GCH1: variants seen among roughly 807,000 people sequenced by gnomAD.
The protein encoded by GCH1 is GTP cyclohydrolase I.
In GCH1, 5 loss-of-function variants were observed where a neutral mutation model predicts 25.9. The ratio of observed to expected loss-of-function variants is 0.19; its 90% CI spans 0.10 to 0.41. The LOEUF (loss-of-function observed/expected upper bound fraction) is 0.41, where lower values mean the gene tolerates loss of function less well. Ranked by LOEUF, GCH1 falls within the 10% of genes least tolerant of loss-of-function variation. GCH1 has a pLI of 1.00. For synonymous variants in GCH1, 159 were observed against 129.6 expected (o/e 1.23, Z -1.54); for missense variants, 261 against 336.5 (o/e 0.78, Z 1.75).
intron 1 of GCH1, among the ~76,000 whole-genome samples, chr14:54,867,643 A>C (rs2040008309): frequency 6.8e-6 from 1 of 146,252 alleles, no homozygotes; most frequent in African/African-American, 2.5e-5. Context: ...ACTAGTTATT[A>C]GGCCTTGGGC....
intron 1 of GCH1, among the ~76,000 whole-genome samples, chr14:54,900,888 CAA>C (rs58762919): frequency 2.2e-5 from 3 of 136,394 alleles, no homozygotes; most frequent in Non-Finnish European, 4.8e-5. Flanking sequence ...CACACACACA[CAA>C]ATTTAAAGCC....
chr14:54,884,210 G>T (rs1175343017), intron 1 of GCH1, among the ~76,000 whole-genome samples: 2 of 152,172 alleles, frequency 1.3e-5, no homozygotes, highest in Non-Finnish European at 2.9e-5. Context: ...AAAACTGATA[G>T]TTCACATAAA....
intron 1 of GCH1, among the ~76,000 whole-genome samples, chr14:54,870,047 A>AG (rs2040047023): frequency 6.6e-6 from 1 of 152,170 alleles, no homozygotes; most frequent in African/African-American, 2.4e-5. Flanking sequence ...TCACTGCAAA[A>AG]GGAAAGAAAG....
At chr14:54,870,470 G>A (rs1186853888) in intron 1 of GCH1, among the ~76,000 whole-genome samples, 1 of 152,122 alleles carries the variant, frequency 6.6e-6, no homozygotes, top group Admixed American at 6.6e-5. Flanking sequence ...GAGGTATCGG[G>A]TTCATCTCAC....
chr14:54,857,255 G>A (rs1264055781), intron 3 of GCH1, among the ~76,000 whole-genome samples: 2 of 152,046 alleles, frequency 1.3e-5, no homozygotes, highest in Non-Finnish European at 2.9e-5. Context: ...CCTTTGTATT[G>A]TTTCATAAAA....
At chr14:54,888,491 AG>A (rs2040381395) in intron 1 of GCH1, among the ~76,000 whole-genome samples, 1 of 151,414 alleles carries the variant, frequency 6.6e-6, no homozygotes, top group South Asian at 2.1e-4. Context: ...CCATTACAGC[AG>A]CACAAAGCTT....
At position 54,874,573 on chromosome 14, in the gene GCH1, T is replaced by C. The variant is rs1429774688; in HGVS notation, c.344-9137A>G. On this transcript the variant is annotated intron_variant, in intron 1 of 5. Coordinates refer to ENST00000491895, the MANE Select transcript of GCH1 (RefSeq NM_000161.3). ...AAATGGTCCCTGTTTGCAGATGACA[T>C]GATTGTATATCTAGAAAACCCCATT... 3.3e-5 allele frequency among the ~76,000 whole-genome samples: 5 copies of C among 152,346 alleles called. No individual in the cohort carries two copies. In the East Asian group the frequency reaches 9.6e-4, roughly 29 times the overall value.
At chr14:54,878,795 G>T (rs758090659) in intron 1 of GCH1, among the ~76,000 whole-genome samples, 23 of 151,910 alleles carry the variant, frequency 1.5e-4, no homozygotes, top group Admixed American at 1.5e-3. Context: ...ACAAGGTCTC[G>T]TCCTGTCACC....
chr14:54,854,113 T>A (rs1388281276), intron 3 of GCH1, among the ~76,000 whole-genome samples: 1 of 152,248 alleles, frequency 6.6e-6, no homozygotes, highest in Non-Finnish European at 1.5e-5. Context: ...TGATACAAGA[T>A]TTTCAACTTG....
intron 1 of GCH1, among the ~76,000 whole-genome samples, chr14:54,876,154 A>C (rs1414560487): frequency 2.0e-5 from 3 of 152,226 alleles, no homozygotes; most frequent in Non-Finnish European, 4.4e-5. Flanking sequence ...ACACCACAGA[A>C]TACTATGCAG....
At position 54,891,611 on chromosome 14, in the gene GCH1, T is replaced by C. The variant is rs900720980; in HGVS notation, c.343+10710A>G. ...ATTTTGTAGAAATGAGGTTTGGCCATGTTGGTCAGGCTGGTCTCTAACTCC... is the reference window on the plus strand; with the variant it reads ...ATTTTGTAGAAATGAGGTTTGGCCACGTTGGTCAGGCTGGTCTCTAACTCC... On this transcript the variant is annotated intron_variant, in intron 1 of 5. Coordinates refer to ENST00000491895, the MANE Select transcript of GCH1 (RefSeq NM_000161.3). 2.0e-5 allele frequency among the ~76,000 whole-genome samples: 3 copies of C among 152,098 alleles called. No homozygotes were observed. The South Asian group carries it at 6.2e-4, about 32-fold the overall frequency.
chr14:54,887,236 G>A (rs1189363930), intron 1 of GCH1, among the ~76,000 whole-genome samples: 1 of 152,208 alleles, frequency 6.6e-6, no homozygotes, highest in Non-Finnish European at 1.5e-5. Context: ...CAGTGAAACA[G>A]GGCTTTTAAA....
intron 3 of GCH1, among the ~76,000 whole-genome samples, chr14:54,858,831 G>C (rs1420256221): frequency 1.3e-5 from 2 of 152,066 alleles, no homozygotes; most frequent in Non-Finnish European, 2.9e-5. Flanking sequence ...TTGGTGGCTG[G>C]GGCCTACCAG....
At chr14:54,866,368 A>G (rs1000670915) in intron 1 of GCH1, among the ~76,000 whole-genome samples, 1 of 152,146 alleles carries the variant, frequency 6.6e-6, no homozygotes, top group Non-Finnish European at 1.5e-5. Flanking sequence ...TAAATGCCAT[A>G]TGACATGGAA....
chr14:54,870,228 T>G (rs750440955), intron 1 of GCH1, among the ~76,000 whole-genome samples: 5 of 149,870 alleles, frequency 3.3e-5, no homozygotes, highest in African/African-American at 4.9e-5. Flanking sequence ...CTGGGTGCGG[T>G]GGCTCACATC....
At position 54,902,770 on chromosome 14, in the gene GCH1, T is replaced by G. The variant is rs535958495; in HGVS notation, c.-107A>C. The G allele has an allele frequency of 7.5e-7, 1 of 1,341,322 alleles. No homozygotes were observed. Among genetic ancestry groups the G allele is most frequent in the Non-Finnish European group, 9.5e-7 (1 of 1,049,018 alleles). 83.1% of individuals were successfully genotyped at this position (1,341,322 alleles called of 1,614,324 possible). A position where few individuals can be genotyped will look rare whatever the true frequency, so the allele number is the denominator to read the frequency against. ...ACAATGGGCTGTGGCCGGAGTCACCTGAGGAAGGTACGCAACCTGCTTAGA... is the reference window on the plus strand; with the variant it reads ...ACAATGGGCTGTGGCCGGAGTCACCGGAGGAAGGTACGCAACCTGCTTAGA... On this transcript the variant is annotated 5_prime_UTR_variant, in exon 1 of 6. Transcript: ENST00000491895.
In GCH1 at chr14:54,843,375, T is replaced by A; in HGVS notation, c.*642A>T. ...CTCGTAAACAACACCAGGAACTAAT[T>A]CCCTATTCTTGAATTTAAAAACAAT... On this transcript the variant is annotated 3_prime_UTR_variant, in exon 6 of 6. Coordinates refer to ENST00000491895, the MANE Select transcript of GCH1 (RefSeq NM_000161.3). 1 of 1,252,476 alleles carries A rather than the reference T, an allele frequency of 8.0e-7. No homozygotes were observed. The highest frequency in any genetic ancestry group is 1.0e-6 in the Non-Finnish European group (1 of 999,662). The allele number at this position is 1,252,476 out of a possible 1,614,324, so 77.6% of individuals were successfully genotyped here. A position where few individuals can be genotyped will look rare whatever the true frequency, so the allele number is the denominator to read the frequency against.
At chr14:54,875,464 T>C (rs754562827) in intron 1 of GCH1, among the ~76,000 whole-genome samples, 29 of 152,108 alleles carry the variant, frequency 1.9e-4, no homozygotes, top group Non-Finnish European at 2.8e-4. Flanking sequence ...AAAGCCAAAA[T>C]TGACAAAAGG....
chr14:54,896,932 AC>A (rs1238599052), intron 1 of GCH1, among the ~76,000 whole-genome samples: 2 of 150,578 alleles, frequency 1.3e-5, no homozygotes, highest in Non-Finnish European at 3.0e-5. Context: ...AAAAAAAAAA[AC>A]AAAAGAAGAA....
Sources: gnomAD v4.1 joint callset for allele counts (sites outside exome capture counted in the v4.1 genomes callset) on GRCh38, gnomAD v4.1.1 for gene constraint, MANE v1.5 for transcripts, NCBI Gene and HGNC (gene_info 2026-07-23, HGNC 2026-07-21) for gene names.